GK: variants seen among roughly 807,000 people sequenced by gnomAD.
GK encodes the protein glycerol kinase.
GK carries 9 observed loss-of-function variants against 56.4 expected under a neutral mutation model. The observed-to-expected ratio is 0.16, with a 90% CI of 0.10 to 0.28. The LOEUF (loss-of-function observed/expected upper bound fraction) is 0.28, where lower values mean the gene tolerates loss of function less well. GK is among the 10% of genes least tolerant of loss of function. The pLI is 1.00. For missense variants in GK, 161 were observed against 431.4 expected (o/e 0.37, Z 5.55); for synonymous variants, 104 against 144.1 (o/e 0.72, Z 1.99).
intron 3 of GK, among the ~76,000 whole-genome samples, chrX:30,669,080 G>A (rs1349076550): frequency 1.8e-5 from 2 of 110,877 alleles, no homozygotes; most frequent in East Asian, 2.8e-4. Context: ...GTAGGTTGTG[G>A]GGAAGGGGTA....
intron 12 of GK, 133 bp from the exon 13 acceptor site, chrX:30,707,921 G>A (rs1317555881): frequency 4.2e-6 from 2 of 477,702 alleles, no homozygotes; most frequent in South Asian, 3.2e-5. Context: ...CGTTTTGACT[G>A]TAAGGATTTA....
rs374414040 is a variant in GK at position 30,663,863 on chromosome X, A to G, written c.79-1648A>G. On this transcript the variant is annotated intron_variant, in intron 1 of 20. Transcript: ENST00000427190. Reference sequence around the variant, plus strand: ...AATATGCATCTTACTCTGTAAGAGTAAGTACTTTGGTACTCAAATATAGAT... The same window carrying G: ...AATATGCATCTTACTCTGTAAGAGTGAGTACTTTGGTACTCAAATATAGAT... Among the ~76,000 whole-genome samples the G allele has an allele frequency of 2.4e-4, 25 of 103,631 alleles. 1 individual carries two copies. Among genetic ancestry groups the G allele is most frequent in the East Asian group, 2.1e-3 (7 of 3,379 alleles). 90.0% of individuals were successfully genotyped at this position (103,631 alleles called of 115,157 possible).
intron 5 of GK, among the ~76,000 whole-genome samples, chrX:30,692,549 G>A (rs1014259877): frequency 3.7e-5 from 4 of 109,027 alleles, no homozygotes; most frequent in African/African-American, 1.3e-4. Context: ...CACAATCTCT[G>A]CTCACTGCAA....
At chrX:30,655,486 C>G (rs1252358560) in intron 1 of GK, among the ~76,000 whole-genome samples, 1 of 112,048 alleles carries the variant, frequency 8.9e-6, no homozygotes, top group Admixed American at 9.5e-5. Flanking sequence ...GCTGCCAGAT[C>G]GTCAGATTAA....
intron 15 of GK, 24 bp downstream of exon 15, chrX:30,719,539 C>T (rs1218735659): frequency 3.4e-6 from 3 of 879,365 alleles, no homozygotes; most frequent in Non-Finnish European, 5.0e-6. Flanking sequence ...ATATGGAGTG[C>T]TTTTGGGGAT....
chrX:30,662,888 T>C (rs1601870455), intron 1 of GK, among the ~76,000 whole-genome samples: 1 of 94,072 alleles, frequency 1.1e-5, no homozygotes, highest in African/African-American at 4.2e-5. Context: ...TCTTTCTTTC[T>C]TTCTTTTCTT....
At chrX:30,676,570 C>T (rs1057412081) in intron 3 of GK, among the ~76,000 whole-genome samples, 1 of 111,491 alleles carries the variant, frequency 9.0e-6, no homozygotes, top group African/African-American at 3.3e-5. Flanking sequence ...CCAATGCTCA[C>T]ATCCCATCCC....
chrX:30,711,153 T>G (rs763315705), intron 13 of GK, among the ~76,000 whole-genome samples: 1 of 106,283 alleles, frequency 9.4e-6, no homozygotes, highest in African/African-American at 3.4e-5. Flanking sequence ...AGGGGCATCC[T>G]TCTATAGTTC....
intron 1 of GK, among the ~76,000 whole-genome samples, chrX:30,654,513 C>T (rs1004723530): frequency 1.8e-5 from 2 of 111,461 alleles, no homozygotes; most frequent in Non-Finnish European, 3.8e-5. Flanking sequence ...GAGGCTGAGG[C>T]GGGTGGATTA....
intron 3 of GK, chrX:30,671,729 C>CTAG (rs1269518647): frequency 8.9e-6 from 1 of 112,384 alleles, no homozygotes; most frequent in Non-Finnish European, 1.9e-5. Context: ...GCAGCACACA[C>CTAG]TAGCTCAAGG....
intron 3 of GK, among the ~76,000 whole-genome samples, chrX:30,669,389 G>T (rs966501193): frequency 1.1e-4 from 12 of 110,067 alleles, no homozygotes; most frequent in African/African-American, 3.3e-4. Context: ...TCACCATGCT[G>T]GCCAGGCTGG....
chrX:30,726,090 C>T lies in GK; in HGVS notation c.1583-1376C>T, dbSNP rs371549199. Among the ~76,000 whole-genome samples the T allele has an allele frequency of 1.2e-3, 128 of 111,025 alleles. 3 individuals are homozygous for T. In the South Asian group the frequency reaches 0.046, roughly 40 times the overall value. ...CCACAAAATCAACTGATCATTTTTC[C>T]CTTGTTTGTGTACTTTACTATCAAT... On this transcript the variant is annotated intron_variant, in intron 19 of 20. Transcript: ENST00000427190.
Position 30,700,401 on chromosome X carries a change from T to A in GK, c.748-13T>A, listed in dbSNP as rs759639484. ...TTGTGACTATTCATAATCCTTTTTTTAAATTTTATTAGAAAGCTGGGGCCT... is the reference window on the plus strand; with the variant it reads ...TTGTGACTATTCATAATCCTTTTTTAAAATTTTATTAGAAAGCTGGGGCCT... On this transcript the variant is annotated splice_polypyrimidine_tract_variant and intron_variant, in intron 9 of 20. Coordinates refer to ENST00000427190, the MANE Select transcript of GK (RefSeq NM_001205019.2). 1.8e-5 allele frequency: 21 copies of A among 1,193,024 alleles called. No homozygotes were observed. The highest frequency in any genetic ancestry group is 1.2e-4 in the African/African-American group (7 of 56,898).
intron 13 of GK, among the ~76,000 whole-genome samples, chrX:30,712,986 G>A (rs1477643979): frequency 2.7e-5 from 3 of 110,676 alleles, no homozygotes; most frequent in African/African-American, 6.6e-5. Flanking sequence ...CGCCCGCCTC[G>A]GCCTCCCAAA....
chrX:30,685,323 C>CG (rs1417642204), intron 4 of GK, among the ~76,000 whole-genome samples: 2 of 110,823 alleles, frequency 1.8e-5, no homozygotes, highest in African/African-American at 6.6e-5. Context: ...TTAGAAGAGA[C>CG]GGGGTTTCAC....
chrX:30,727,507 A>G lies in GK; in HGVS notation c.1624A>G (p.Ile542Val), dbSNP rs755891713. The G allele has an allele frequency of 1.7e-6, 2 of 1,193,292 alleles. No homozygotes were observed. The highest frequency in any genetic ancestry group is 1.8e-5 in the South Asian group (1 of 56,259). The change falls in exon 20 of 21, where the codon ATA becomes GTA. Residue 542 changes from isoleucine (I) to valine (V), a missense_variant. Ile to Val is a conservative substitution (Grantham distance 29, BLOSUM62 3). Transcript: ENST00000427190. ...CTGTAGTCTGCCCTTGGGCTTTTTT[A>G]TAGTGAGTAGCATGGTAATGTTAAT... ...IFCSLPLGFF[I>V]VSSMVMLIGA... is the part of the protein sequence containing the mutation.
At chrX:30,685,076 C>A in intron 4 of GK, among the ~76,000 whole-genome samples, 1 of 112,323 alleles carries the variant, frequency 8.9e-6, no homozygotes, top group Non-Finnish European at 1.9e-5. Context: ...AGATGACAAA[C>A]CACCTAAAAC....
chrX:30,669,457 C>T (rs974667452), intron 3 of GK, among the ~76,000 whole-genome samples: 23 of 111,180 alleles, frequency 2.1e-4, no homozygotes, highest in East Asian at 8.4e-4. Flanking sequence ...GTTGGGATTA[C>T]AGGCATGAGC....
rs184451379 is a variant in GK at position 30,714,542 on chromosome X, C to A, written c.976-3996C>A. ...GCAGTTCCCTGCTATCTGAGGGACCCCCAGTGGTTCTCTGCTTCCTTAAAG... is the reference window on the plus strand; with the variant it reads ...GCAGTTCCCTGCTATCTGAGGGACCACCAGTGGTTCTCTGCTTCCTTAAAG... On this transcript the variant is annotated intron_variant, in intron 13 of 20. Coordinates refer to ENST00000427190, the MANE Select transcript of GK (RefSeq NM_001205019.2). 2.3e-3 allele frequency among the ~76,000 whole-genome samples: 256 copies of A among 111,840 alleles called. 2 individuals carry two copies. The highest frequency in any genetic ancestry group is 7.8e-3 in the African/African-American group (240 of 30,779).
Sources: gnomAD v4.1 joint callset for allele counts (sites outside exome capture counted in the v4.1 genomes callset) on GRCh38, gnomAD v4.1.1 for gene constraint, MANE v1.5 for transcripts, NCBI Gene and HGNC (gene_info 2026-07-23, HGNC 2026-07-21) for gene names.